CFAP47: variants seen among roughly 807,000 people sequenced by gnomAD.
CFAP47 encodes the protein cilia- and flagella-associated protein 47.
In CFAP47, 29 loss-of-function variants were observed where a neutral mutation model predicts 148.1. The observed-to-expected ratio is 0.20, with a 90% CI of 0.15 to 0.27. The LOEUF is 0.27. Among genes scored for constraint, CFAP47 ranks in the 10% least tolerant of loss-of-function variants. The pLI is 1.00. For synonymous variants in CFAP47, 664 were observed against 577.3 expected, an observed-to-expected ratio of 1.15 and a Z score of -2.15; for missense variants, 1,872 against 1,697.5, an observed-to-expected ratio of 1.10 and a Z score of -1.81.
intron 21 of CFAP47, among the ~76,000 whole-genome samples, chrX:36,013,206 C>G (rs1937059385): frequency 9.0e-6 from 1 of 111,505 alleles, no homozygotes; most frequent in African/African-American, 3.3e-5. Flanking sequence ...TTGATGCAGA[C>G]TCTGTGTTTT....
At chrX:36,077,076 T>C (rs1417848437) in intron 29 of CFAP47, among the ~76,000 whole-genome samples, 1 of 109,300 alleles carries the variant, frequency 9.1e-6, no homozygotes, top group Non-Finnish European at 1.9e-5. Context: ...CTGGATTCTC[T>C]ATTCTGTTCC....
At chrX:36,150,827 A>G (rs755750245) in intron 37 of CFAP47, among the ~76,000 whole-genome samples, 2 of 111,790 alleles carry the variant, frequency 1.8e-5, no homozygotes, top group Non-Finnish European at 3.8e-5. Flanking sequence ...ATAAAATATT[A>G]GAATAAAATT....
At chrX:36,167,743 G>T (rs1939510048) in intron 39 of CFAP47, among the ~76,000 whole-genome samples, 1 of 111,640 alleles carries the variant, frequency 9.0e-6, no homozygotes, top group African/African-American at 3.3e-5. Context: ...TTTCTTTTTT[G>T]TTGAGCTTGA....
At chrX:35,954,073 C>G (rs1201256310) in intron 7 of CFAP47, among the ~76,000 whole-genome samples, 1 of 111,111 alleles carries the variant, frequency 9.0e-6, no homozygotes, top group African/African-American at 3.3e-5. Flanking sequence ...CCCTTTCCAT[C>G]TCTACTAATC....
At chrX:36,125,830 T>A (rs1938825786) in intron 33 of CFAP47, among the ~76,000 whole-genome samples, 1 of 111,248 alleles carries the variant, frequency 9.0e-6, no homozygotes, top group African/African-American at 3.3e-5. Flanking sequence ...AAATCTTACC[T>A]TTTAATGTAT....
At chrX:36,275,719 A>T (rs1423530115) in intron 49 of CFAP47, among the ~76,000 whole-genome samples, 2 of 110,621 alleles carry the variant, frequency 1.8e-5, no homozygotes, top group Non-Finnish European at 3.8e-5. Flanking sequence ...ATGAGTTAGT[A>T]AGTGTTTCCT....
chrX:36,181,376 CA>C (rs199940277), intron 40 of CFAP47, among the ~76,000 whole-genome samples: 1,876 of 110,753 alleles, frequency 0.017, 48 homozygotes, highest in African/African-American at 0.057. Flanking sequence ...CTCCCCAAAT[CA>C]AAAAGAAAAT....
chrX:36,068,008 T>A (rs1937672574), intron 27 of CFAP47, among the ~76,000 whole-genome samples: 2 of 111,955 alleles, frequency 1.8e-5, no homozygotes, highest in Non-Finnish European at 3.8e-5. Context: ...TATAAAATCT[T>A]TCCATAGAAT....
intron 48 of CFAP47, among the ~76,000 whole-genome samples, chrX:36,243,978 A>G (rs1940583148): frequency 9.0e-6 from 1 of 110,606 alleles, no homozygotes; most frequent in Admixed American, 9.7e-5. Context: ...CCACATGTTC[A>G]GTAATTAAAG....
At chrX:36,042,836 G>T (rs1412650969) in intron 25 of CFAP47, among the ~76,000 whole-genome samples, 1 of 111,291 alleles carries the variant, frequency 9.0e-6, no homozygotes, top group Non-Finnish European at 1.9e-5. Context: ...TATATGGAAG[G>T]GTCAAGGATC....
At chrX:36,071,284 G>T (rs1057188629) in intron 27 of CFAP47, among the ~76,000 whole-genome samples, 1 of 112,189 alleles carries the variant, frequency 8.9e-6, no homozygotes, top group Non-Finnish European at 1.9e-5. Flanking sequence ...CCTTTGGTTG[G>T]ATTCAGATTT....
Position 36,328,411 on chromosome X carries a change from T to A in CFAP47, c.8443+9104T>A, listed in dbSNP as rs183420720. ...ACTTGATATATAGATCAAATGAATTTCCAATCTATGTCCCAATATGCTTTT... is the reference window on the plus strand; with the variant it reads ...ACTTGATATATAGATCAAATGAATTACCAATCTATGTCCCAATATGCTTTT... On this transcript the variant is annotated intron_variant, in intron 57 of 63. Transcript: ENST00000378653. Among the ~76,000 whole-genome samples, 3 of 112,429 alleles carry A rather than the reference T, an allele frequency of 2.7e-5. No individual in the cohort carries two copies. The Admixed American group carries it at 2.8e-4, about 11-fold the overall frequency.
intron 2 of CFAP47, among the ~76,000 whole-genome samples, chrX:35,931,924 G>A (rs1935831710): frequency 1.8e-5 from 2 of 110,773 alleles, no homozygotes; most frequent in African/African-American, 6.6e-5. Context: ...AAATATAGCT[G>A]ATTGTATGTA....
At chrX:36,248,493 A>G (rs1373383886) in intron 48 of CFAP47, among the ~76,000 whole-genome samples, 1 of 71,119 alleles carries the variant, frequency 1.4e-5, no homozygotes, top group Non-Finnish European at 2.3e-5. Context: ...ATCACATATT[A>G]TATCACACAC....
At chrX:36,074,393 A>C (rs1441234618) in intron 29 of CFAP47, among the ~76,000 whole-genome samples, 1 of 111,817 alleles carries the variant, frequency 8.9e-6, no homozygotes, top group Non-Finnish European at 1.9e-5. Flanking sequence ...GGCCCGGTTC[A>C]TTTGTTGATT....
intron 40 of CFAP47, among the ~76,000 whole-genome samples, chrX:36,181,682 T>C (rs1939751415): frequency 1.8e-5 from 2 of 112,106 alleles, no homozygotes; most frequent in African/African-American, 6.5e-5. Context: ...GAGAGAACAT[T>C]GATCCCAAAT....
intron 57 of CFAP47, among the ~76,000 whole-genome samples, chrX:36,337,088 G>A (rs782252342): frequency 1.8e-5 from 2 of 112,123 alleles, no homozygotes; most frequent in African/African-American, 6.5e-5. Context: ...GTGAGTTTCC[G>A]AGCTAGTCAG....
chrX:36,296,938 A>G (rs781926030), intron 51 of CFAP47, among the ~76,000 whole-genome samples: 1 of 111,911 alleles, frequency 8.9e-6, no homozygotes, highest in Non-Finnish European at 1.9e-5. Context: ...AGTATTTTAC[A>G]TTTTACACTT....
intron 51 of CFAP47, among the ~76,000 whole-genome samples, chrX:36,296,427 ACAACATGTGAGTGGCT>A (rs1196046933): frequency 5.4e-5 from 6 of 112,043 alleles, no homozygotes; most frequent in Admixed American, 4.7e-4. Flanking sequence ...TGTGTAGGTC[ACAACATGTGAGTGGCT>A]CAACATGTGA....
Sources: allele counts gnomAD v4.1 joint callset (sites outside exome capture counted in the v4.1 genomes callset), GRCh38; gene constraint gnomAD v4.1.1; transcripts MANE v1.5; gene names NCBI Gene and HGNC (gene_info 2026-07-23, HGNC 2026-07-21).